The following COPG2 variants were observed in gnomAD, a reference collection of about 807,000 sequenced individuals.
COPG2 encodes coatomer subunit gamma-2.
COPG2 carries 37 observed loss-of-function variants against 46.3 expected under a neutral mutation model. The observed-to-expected ratio is 0.80, with a 90% CI of 0.61 to 1.05. COPG2 has a LOEUF of 1.05. Ranked by LOEUF, COPG2 falls within the 50% of genes least tolerant of loss-of-function variation. COPG2 has a pLI of 0.00. For synonymous variants in COPG2, 159 were observed against 129.7 expected (o/e 1.23, Z -1.53); for missense variants, 427 against 387.8 (o/e 1.10, Z -0.85).
intron 9 of COPG2, among the ~76,000 whole-genome samples, chr7:130,577,718 G>A (rs1176629181): frequency 1.4e-5 from 2 of 141,846 alleles, no homozygotes; most frequent in Admixed American, 7.3e-5. Flanking sequence ...CCGAGATTGC[G>A]CCACTGCAGT....
intron 12 of COPG2, among the ~76,000 whole-genome samples, chr7:130,555,785 G>A (rs916375656): frequency 3.3e-5 from 5 of 152,002 alleles, no homozygotes; most frequent in Non-Finnish European, 5.9e-5. Context: ...AGTTGAGATC[G>A]CACCACTGCA....
At chr7:130,659,454 G>A (rs1428126597) in intron 4 of COPG2, among the ~76,000 whole-genome samples, 23 of 151,712 alleles carry the variant, frequency 1.5e-4, no homozygotes, top group Admixed American at 1.5e-3. Flanking sequence ...ATTATGTGCA[G>A]TATCATTTGT....
intron 5 of COPG2, among the ~76,000 whole-genome samples, chr7:130,626,471 G>A (rs1372221210): frequency 5.5e-5 from 8 of 144,188 alleles, no homozygotes; most frequent in East Asian, 2.1e-4. Context: ...GGCTGGTCTC[G>A]AACACCTGAC....
At chr7:130,575,925 T>C (rs782613796) in intron 9 of COPG2, among the ~76,000 whole-genome samples, 2 of 152,174 alleles carry the variant, frequency 1.3e-5, no homozygotes, top group Non-Finnish European at 2.9e-5. Flanking sequence ...GCTATTCTTA[T>C]ATCAGACAAA....
chr7:130,632,234 G>GGA, intron 5 of COPG2, among the ~76,000 whole-genome samples: 1 of 152,104 alleles, frequency 6.6e-6, no homozygotes, highest in Admixed American at 6.5e-5. Context: ...CAGTGGATAT[G>GGA]GTATTCTGAG....
At chr7:130,605,515 A>G (rs1218846694) in intron 9 of COPG2, among the ~76,000 whole-genome samples, 1 of 152,242 alleles carries the variant, frequency 6.6e-6, no homozygotes, top group Non-Finnish European at 1.5e-5. Context: ...TTCAAAGTGC[A>G]GCTCAACACA....
chr7:130,643,274 G>A (rs149981715), intron 5 of COPG2, among the ~76,000 whole-genome samples: 30 of 150,264 alleles, frequency 2.0e-4, no homozygotes, highest in Admixed American at 6.6e-5. Flanking sequence ...CAGCCTGGGC[G>A]ACAGAGCGAG....
At chr7:130,631,649 A>G (rs911678121) in intron 5 of COPG2, among the ~76,000 whole-genome samples, 21 of 152,220 alleles carry the variant, frequency 1.4e-4, no homozygotes, top group Non-Finnish European at 2.2e-4. Flanking sequence ...AGAGGATACA[A>G]ACTTTATAGT....
chr7:130,591,938 G>A (rs1554449049), intron 9 of COPG2, among the ~76,000 whole-genome samples: 1 of 152,210 alleles, frequency 6.6e-6, no homozygotes, highest in Admixed American at 6.5e-5. Context: ...TGATGACAAT[G>A]GCGGTTTTGT....
Position 130,563,824 on chromosome 7 carries a change from A to C in COPG2, c.871+436T>G, listed in dbSNP as rs1023901451. On this transcript the variant is annotated intron_variant, in intron 10 of 23. Coordinates refer to ENST00000425248, the MANE Select transcript of COPG2 (RefSeq NM_012133.6). ...TTGGTCAGTTATAAAAACTTAAATA[A>C]GAAACAAAGTTTGCTCTTTTTAAAA... Among the ~76,000 whole-genome samples the C allele has an allele frequency of 3.0e-4, 46 of 151,442 alleles. 1 individual carries two copies. Among genetic ancestry groups the C allele is most frequent in the African/African-American group, 9.9e-4 (41 of 41,486 alleles).
At chr7:130,599,425 C>G (rs1794592901) in intron 9 of COPG2, among the ~76,000 whole-genome samples, 1 of 152,168 alleles carries the variant, frequency 6.6e-6, no homozygotes, top group Non-Finnish European at 1.5e-5. Flanking sequence ...TCCAAGAACA[C>G]CCGCATTGGG....
intron 9 of COPG2, among the ~76,000 whole-genome samples, chr7:130,579,503 A>G (rs1554446811): frequency 6.6e-6 from 1 of 151,502 alleles, no homozygotes. Context: ...TAACAATATT[A>G]ACTTTAAATG....
At chr7:130,616,883 T>C (rs896173303) in intron 6 of COPG2, 107 bp downstream of exon 6, 4 of 653,434 alleles carry the variant, frequency 6.1e-6, no homozygotes, top group Non-Finnish European at 1.1e-5. Flanking sequence ...GTTTCTCTTA[T>C]ACTGAAAATT....
At chr7:130,603,715 C>A (rs1794677931) in intron 9 of COPG2, 3 of 346,492 alleles carry the variant, frequency 8.7e-6, no homozygotes, top group South Asian at 2.0e-5. Context: ...GAGCAAAACT[C>A]AGTCTCAAAA....
In COPG2 at chr7:130,610,824, A is replaced by T. The variant is rs782112295; in HGVS notation, c.737+129T>A. 2.8e-5 allele frequency: 26 copies of T among 912,570 alleles called. No homozygotes were observed. In the Admixed American group the frequency reaches 5.0e-4, roughly 18 times the overall value. 56.5% of individuals were successfully genotyped at this position (912,570 alleles called of 1,614,324 possible). A position where few individuals can be genotyped will look rare whatever the true frequency, so the allele number is the denominator to read the frequency against. On this transcript the variant is annotated intron_variant, in intron 9 of 23. Coordinates refer to ENST00000425248, the MANE Select transcript of COPG2 (RefSeq NM_012133.6). ...CTTGAAATTCCATAATTTTTTTAAA[A>T]AATTGAAAAACATTGAACTCATCTG...
At chr7:130,663,572 G>A (rs2116267962) in intron 3 of COPG2, among the ~76,000 whole-genome samples, 1 of 152,182 alleles carries the variant, frequency 6.6e-6, no homozygotes, top group South Asian at 2.1e-4. Context: ...TTAAGGGGCT[G>A]CTATGTAGCT....
intron 5 of COPG2, among the ~76,000 whole-genome samples, chr7:130,634,288 C>T (rs879973738): frequency 6.6e-6 from 1 of 152,102 alleles, no homozygotes; most frequent in Admixed American, 6.6e-5. Context: ...GGGGATAGCA[C>T]TGATTCTACA....
chr7:130,509,143 T>G (rs113170271), intron 20 of COPG2: 4,493 of 444,324 alleles, frequency 0.01, 42 homozygotes, highest in South Asian at 0.011. Context: ...TGATGGCGGG[T>G]CCACAGATCA....
intron 4 of COPG2, among the ~76,000 whole-genome samples, chr7:130,660,842 C>T (rs1218869243): frequency 6.6e-6 from 1 of 152,176 alleles, no homozygotes; most frequent in African/African-American, 2.4e-5. Context: ...TCTCTCTTGA[C>T]CTACAATCCA....
Sources: allele counts gnomAD v4.1 joint callset (sites outside exome capture counted in the v4.1 genomes callset), GRCh38; gene constraint gnomAD v4.1.1; transcripts MANE v1.5; gene names NCBI Gene and HGNC (gene_info 2026-07-23, HGNC 2026-07-21).